The following ENSA variants were observed in gnomAD, a reference collection of about 807,000 sequenced individuals.
ENSA encodes endosulfine alpha.
Under a neutral mutation model 16.8 loss-of-function variants are expected in ENSA, and 7 were observed. The observed-to-expected ratio is 0.42, with a 90% CI of 0.24 to 0.78. ENSA has a LOEUF of 0.78. ENSA is among the 30% of genes least tolerant of loss of function. The pLI is 0.29. For synonymous variants in ENSA, 58 were observed against 53.4 expected (o/e 1.09, Z -0.37); for missense variants, 87 against 142.3 (o/e 0.61, Z 1.98).
In ENSA at chr1:150,629,444, G is replaced by C; in HGVS notation, c.27C>G (p.Asn9Lys). The C allele has an allele frequency of 6.2e-7, 1 of 1,613,828 alleles. No homozygotes were observed. MSQKQEEE[N>K]PAEETGEEKQ... ...TCTCCTCGCCGGTCTCCTCCGCAGG[G>C]TTCTCTTCTTCTTGTTTCTGGGACA... Residue 9 changes from asparagine to lysine, a missense_variant, in exon 1 of 4, where the codon AAC becomes AAG. Transcript: ENST00000369014.
At chr1:150,624,279 C>G (rs1404565766) in intron 3 of ENSA, 13 of 985,870 alleles carry the variant, frequency 1.3e-5, no homozygotes, top group African/African-American at 1.7e-5. Flanking sequence ...CCCTCCCTAA[C>G]CACTTTCCCC....
intron 2 of ENSA, chr1:150,627,249 A>G: frequency 6.5e-7 from 1 of 1,527,560 alleles, no homozygotes; most frequent in South Asian, 1.3e-5. Flanking sequence ...AAATGCTCCA[A>G]TTTAGGCCTT....
chr1:150,628,978 GT>G (rs201770029), intron 1 of ENSA: 95 of 1,454,200 alleles, frequency 6.5e-5, no homozygotes, highest in African/African-American at 1.1e-4. Context: ...CCCAATACTG[GT>G]TTTTTTTTAA....
intron 2 of ENSA, chr1:150,626,911 A>C: frequency 2.3e-6 from 1 of 433,538 alleles, no homozygotes; most frequent in South Asian, 6.4e-5. Context: ...GGAACTAAAA[A>C]TCTGATCAGG....
At chr1:150,627,716 C>A in intron 1 of ENSA, 124 bp from the exon 2 acceptor site, 1 of 1,011,798 alleles carries the variant, frequency 9.9e-7, no homozygotes, top group Non-Finnish European at 1.4e-6. Flanking sequence ...GCTATCTCTA[C>A]TCTGCTGTTA....
chr1:150,627,391 G>A, intron 2 of ENSA, 76 bp downstream of exon 2: 1 of 1,614,148 alleles, frequency 6.2e-7, no homozygotes, highest in Non-Finnish European at 8.5e-7. Context: ...AAAGGATCCA[G>A]TAGAACCTCT....
chr1:150,628,891 C>T (rs1442433267), intron 1 of ENSA: 2 of 660,034 alleles, frequency 3.0e-6, no homozygotes, highest in Non-Finnish European at 5.3e-6. Context: ...ATAGACCATC[C>T]TTAGCTACTA....
chr1:150,625,727 T>C lies in ENSA; in HGVS notation c.265A>G (p.Lys89Glu). The C allele has an allele frequency of 1.2e-6, 2 of 1,613,044 alleles. No individual in the cohort carries two copies. The highest frequency in any genetic ancestry group is 1.7e-6 in the Non-Finnish European group (2 of 1,179,544). The change falls in exon 3 of 4, where the codon AAG becomes GAG. Residue 89 changes from lysine (K) to glutamate (E), a missense_variant. Coordinates refer to ENST00000369014, the MANE Select transcript of ENSA (RefSeq NM_004436.4). ...ATGTGATCACCAGTCACCAGGTTCT[T>C]GTCTGGTCCTGCACTTGGCAGCTGC... is the stretch of plus-strand genomic sequence containing the variant. ...NKQLPSAGPD[K>E]NLVTGDHIPT...
intron 1 of ENSA, chr1:150,629,206 T>G: frequency 6.3e-7 from 1 of 1,593,836 alleles, no homozygotes; most frequent in African/African-American, 1.3e-5. Flanking sequence ...TATTGGCCAA[T>G]CAGGAAGAGT....
intron 3 of ENSA, chr1:150,623,724 C>G (rs371302010): frequency 7.1e-6 from 7 of 985,622 alleles, no homozygotes; most frequent in East Asian, 2.3e-4. Context: ...GCATTTTCCC[C>G]TTCCCAGATG....
intron 3 of ENSA, chr1:150,624,404 C>T: frequency 2.0e-6 from 2 of 985,906 alleles, no homozygotes; most frequent in Non-Finnish European, 2.4e-6. Context: ...AACAATATAC[C>T]TGGCATCAGA....
chr1:150,622,777 C>T lies in ENSA; in HGVS notation c.*67G>A. 2.0e-6 allele frequency: 3 copies of T among 1,532,902 alleles called. No homozygotes were observed. The East Asian group carries it at 7.3e-5, about 37-fold the overall frequency. 95.0% of individuals were successfully genotyped at this position (1,532,902 alleles called of 1,614,324 possible). ...CTGCAAAAGCAGGAAGGGGCAGGAGCCAGCACAGGACCCGGGTGGGGCAGG... is the reference window on the plus strand; with the variant it reads ...CTGCAAAAGCAGGAAGGGGCAGGAGTCAGCACAGGACCCGGGTGGGGCAGG... On this transcript the variant is annotated 3_prime_UTR_variant, in exon 4 of 4. Transcript: ENST00000369014.
chr1:150,627,705 C>T (rs2280078), intron 1 of ENSA, 113 bp from the exon 2 acceptor site: 704,465 of 1,097,786 alleles, frequency 0.64, 228,268 homozygotes, highest in African/African-American at 0.7. Context: ...CTTGTAAATA[C>T]GCTATCTCTA....
chr1:150,629,066 CA>C (rs761756205), intron 1 of ENSA: 1 of 1,614,156 alleles, frequency 6.2e-7, no homozygotes, highest in South Asian at 1.1e-5. Context: ...CTTACCTCTA[CA>C]AACCAATAAC....
intron 3 of ENSA, chr1:150,623,849 C>T (rs587605016): frequency 1.0e-6 from 1 of 985,750 alleles, no homozygotes; most frequent in East Asian, 1.1e-4. Context: ...CTGCTCTCTC[C>T]ATTCCTTCCT....
intron 3 of ENSA, chr1:150,624,080 CTGTCA>C: frequency 2.0e-6 from 2 of 985,446 alleles, no homozygotes; most frequent in Non-Finnish European, 2.4e-6. Flanking sequence ...CTGGTCCTCT[CTGTCA>C]TAACTAGCAA....
intron 1 of ENSA, 96 bp downstream of exon 1, chr1:150,629,318 C>T: frequency 1.3e-6 from 2 of 1,552,384 alleles, no homozygotes; most frequent in South Asian, 1.2e-5. Context: ...CCCTGCGGAG[C>T]CTGAGACCAT....
intron 2 of ENSA, chr1:150,626,658 G>A (rs1649342778): frequency 1.4e-5 from 8 of 585,428 alleles, no homozygotes; most frequent in Admixed American, 5.4e-5. Context: ...CCGGGTTCAC[G>A]CCATTCTCCT....
intron 1 of ENSA, 180 bp downstream of exon 1, chr1:150,629,234 A>G: frequency 6.5e-7 from 1 of 1,540,896 alleles, no homozygotes; most frequent in South Asian, 1.2e-5. Context: ...TGAGTGACAA[A>G]CGACCCAACT....
Sources: allele counts gnomAD v4.1 joint callset, GRCh38; gene constraint gnomAD v4.1.1; transcripts MANE v1.5; gene names NCBI Gene and HGNC (gene_info 2026-07-23, HGNC 2026-07-21).